HEPH: variants seen among roughly 807,000 people sequenced by gnomAD.
The protein encoded by HEPH is hephaestin.
In HEPH, 69 loss-of-function variants were observed where a neutral mutation model predicts 80.8. The ratio of observed to expected loss-of-function variants is 0.85; its 90% CI spans 0.70 to 1.04. HEPH has a LOEUF of 1.04. HEPH is among the 50% of genes least tolerant of loss of function. HEPH has a pLI of 0.00. For missense variants in HEPH, 1,115 were observed against 891.3 expected (o/e 1.25, Z -3.20); for synonymous variants, 431 against 322.8 (o/e 1.34, Z -3.60).
Position 66,164,464 on chromosome X carries a change from AG to A in HEPH, c.-19del, listed in dbSNP as rs1181248214. ...ACATGAATATGGAGTAGTTTTCTCTAGCAAAGGTAAGCTTTCTTTTCTCTCT... is the reference window on the plus strand; with the variant it reads ...ACATGAATATGGAGTAGTTTTCTCTACAAAGGTAAGCTTTCTTTTCTCTCT... On this transcript the variant is annotated 5_prime_UTR_variant, in exon 1 of 21. Coordinates refer to ENST00000343002, the MANE Select transcript of HEPH (RefSeq NM_001367233.3). 5.3e-6 allele frequency: 4 copies of A among 751,912 alleles called. No homozygotes were observed. The African/African-American group carries it at 9.3e-5, about 17-fold the overall frequency. The allele number at this position is 751,912 out of a possible 1,213,427, so 62.0% of individuals were successfully genotyped here. A position where few individuals can be genotyped will look rare whatever the true frequency, so the allele number is the denominator to read the frequency against.
chrX:66,190,001 G>A, intron 6 of HEPH, 63 bp downstream of exon 6: 1 of 1,087,600 alleles, frequency 9.2e-7, no homozygotes, highest in South Asian at 2.2e-5. Context: ...GTCAAGGGAG[G>A]CTGGGTTTCT....
rs768863409 is a variant in HEPH at position 66,266,998 on chromosome X, A to C, written c.*326A>C. 28 of 196,015 alleles carry C rather than the reference A, an allele frequency of 1.4e-4. No homozygotes were observed. Among genetic ancestry groups the C allele is most frequent in the African/African-American group, 8.3e-4 (28 of 33,933 alleles). The allele number at this position is 196,015 out of a possible 1,213,427, so 16.2% of individuals were successfully genotyped here. On this transcript the variant is annotated 3_prime_UTR_variant, in exon 21 of 21. Coordinates refer to ENST00000343002, the MANE Select transcript of HEPH (RefSeq NM_001367233.3). ...ATTTCTAGAAATGTATCCTTCTCAC[A>C]AAGTAGAGACCAAGAGAAAAACTCA...
intron 15 of HEPH, among the ~76,000 whole-genome samples, chrX:66,251,054 T>C (rs891795324): frequency 1.8e-5 from 2 of 111,703 alleles, no homozygotes; most frequent in African/African-American, 3.3e-5. Context: ...AAGCTAATTT[T>C]TGTATTTTTA....
chrX:66,260,313 T>C, intron 19 of HEPH, 51 bp downstream of exon 19: 1 of 1,045,844 alleles, frequency 9.6e-7, no homozygotes, highest in Non-Finnish European at 1.3e-6. Flanking sequence ...TTATCTAGCC[T>C]ATAGGAAGCA....
intron 19 of HEPH, among the ~76,000 whole-genome samples, chrX:66,261,000 T>G (rs1435005262): frequency 8.9e-6 from 1 of 112,025 alleles, no homozygotes; most frequent in Non-Finnish European, 1.9e-5. Context: ...ACTCTTGGCC[T>G]CCTTCTGCAG....
chrX:66,195,431 T>C (rs1363212567), intron 9 of HEPH, among the ~76,000 whole-genome samples: 1 of 111,506 alleles, frequency 9.0e-6, no homozygotes, highest in Admixed American at 9.6e-5. Flanking sequence ...TATATTTAAA[T>C]ATATCCTAAT....
At chrX:66,265,188 G>C (rs960382356) in intron 20 of HEPH, among the ~76,000 whole-genome samples, 6 of 110,803 alleles carry the variant, frequency 5.4e-5, no homozygotes, top group African/African-American at 2.0e-4. Context: ...AATTCAACCA[G>C]TTATGTTGAA....
At chrX:66,211,597 C>T (rs756034201) in intron 15 of HEPH, among the ~76,000 whole-genome samples, 1 of 111,436 alleles carries the variant, frequency 9.0e-6, no homozygotes, top group African/African-American at 3.2e-5. Context: ...CAATGTTTGT[C>T]TTTTTGTGTC....
intron 19 of HEPH, among the ~76,000 whole-genome samples, chrX:66,261,055 G>A (rs994142026): frequency 3.6e-5 from 4 of 112,047 alleles, no homozygotes; most frequent in African/African-American, 1.3e-4. Flanking sequence ...GGGATTGCAG[G>A]CATAAGGCAC....
Position 66,164,365 on chromosome X carries a change from G to T in HEPH, c.-119G>T. ...GGACTTAATTTAGGAGAAAGGCCCT[G>T]TAACCAAGATACTGACTGAACATGG... is the stretch of plus-strand genomic sequence containing the variant. On this transcript the variant is annotated 5_prime_UTR_variant, in exon 1 of 21. Coordinates refer to ENST00000343002, the MANE Select transcript of HEPH (RefSeq NM_001367233.3). 4.0e-6 allele frequency: 3 copies of T among 754,245 alleles called. No individual in the cohort carries two copies. The highest frequency in any genetic ancestry group is 4.7e-6 in the Non-Finnish European group (3 of 639,255). The allele number at this position is 754,245 out of a possible 1,213,427, so 62.2% of individuals were successfully genotyped here.
Position 66,200,660 on chromosome X carries a change from G to A in HEPH, c.1985G>A (p.Gly662Asp). Residue 662 changes from glycine (G) to aspartate (D), a missense_variant, in exon 12 of 21, where the codon GGC becomes GAC. Around this residue, in one of 3 missense-constraint regions of HEPH, gnomAD observed 716 missense variants for 523.5 expected, o/e 1.37. Coordinates refer to ENST00000343002, the MANE Select transcript of HEPH (RefSeq NM_001367233.3). The part of the protein sequence containing the change: ...ETDVHGVMFQ[G>D]NTVQLQGMRK... The stretch of plus-strand genomic sequence containing the variant: ...GATGTGCATGGAGTCATGTTCCAGG[G>A]CAACACTGTGCAGCTTCAGGGCATG... The A allele has an allele frequency of 1.7e-6, 2 of 1,211,294 alleles. No homozygotes were observed. Among genetic ancestry groups the A allele is most frequent in the Non-Finnish European group, 2.2e-6 (2 of 895,298 alleles).
intron 4 of HEPH, among the ~76,000 whole-genome samples, chrX:66,177,408 C>T (rs912755303): frequency 1.2e-4 from 13 of 111,554 alleles, no homozygotes; most frequent in Admixed American, 9.6e-4. Context: ...CTGCCTGTTA[C>T]TGGTGTATTC....
Position 66,203,526 on chromosome X carries a change from G to T in HEPH, c.2240G>T (p.Cys747Phe). The part of the protein sequence containing the change: ...IMAEEVEWDY[C>F]PDRSWEREWH... Reference sequence around the variant, plus strand: ...GCAGAAGAAGTAGAGTGGGACTATTGCCCTGACCGGAGCTGGGAACGGGAA... The same window carrying T: ...GCAGAAGAAGTAGAGTGGGACTATTTCCCTGACCGGAGCTGGGAACGGGAA... The change falls in exon 13 of 21, where the codon TGC (cysteine) becomes TTC (phenylalanine). Residue 747 changes from cysteine (C) to phenylalanine (F), a missense_variant. By Grantham distance (205) the Cys-to-Phe change is radical (BLOSUM62 -2). Around this residue, in one of 3 missense-constraint regions of HEPH, gnomAD observed 716 missense variants for 523.5 expected, o/e 1.37. Coordinates refer to ENST00000343002, the MANE Select transcript of HEPH (RefSeq NM_001367233.3). 8.3e-7 allele frequency: 1 copy of T among 1,211,872 alleles called. No individual in the cohort carries two copies. The highest frequency in any genetic ancestry group is 1.1e-6 in the Non-Finnish European group (1 of 895,493).
At chrX:66,201,273 T>C (rs2088437380) in intron 12 of HEPH, among the ~76,000 whole-genome samples, 1 of 110,130 alleles carries the variant, frequency 9.1e-6, no homozygotes, top group African/African-American at 3.3e-5. Flanking sequence ...ATGTAACAAT[T>C]TCAGCCTGGA....
At chrX:66,167,022 C>T (rs2086399237) in intron 1 of HEPH, among the ~76,000 whole-genome samples, 1 of 111,930 alleles carries the variant, frequency 8.9e-6, no homozygotes, top group Non-Finnish European at 1.9e-5. Context: ...ACTTACAGAT[C>T]TTAATTAAGT....
At chrX:66,243,407 A>T (rs1342174628) in intron 15 of HEPH, among the ~76,000 whole-genome samples, 1 of 112,301 alleles carries the variant, frequency 8.9e-6, no homozygotes, top group Non-Finnish European at 1.9e-5. Context: ...TGAACCCTTT[A>T]CCATTATGGA....
intron 1 of HEPH, among the ~76,000 whole-genome samples, chrX:66,168,372 C>G (rs1045141329): frequency 8.9e-6 from 1 of 111,747 alleles, no homozygotes; most frequent in African/African-American, 3.2e-5. Flanking sequence ...TATACTTGTC[C>G]GTTTCATGTA....
intron 15 of HEPH, among the ~76,000 whole-genome samples, chrX:66,233,007 C>G (rs776510254): frequency 9.0e-6 from 1 of 110,618 alleles, no homozygotes; most frequent in Non-Finnish European, 1.9e-5. Flanking sequence ...ACCTTAAGAG[C>G]TAACCAAAAA....
At chrX:66,248,181 G>A (rs2090882554) in intron 15 of HEPH, among the ~76,000 whole-genome samples, 1 of 111,090 alleles carries the variant, frequency 9.0e-6, no homozygotes, top group Non-Finnish European at 1.9e-5. Context: ...TAGTACTGTA[G>A]TACCACCTCA....
Sources: gnomAD v4.1 joint callset for allele counts (sites outside exome capture counted in the v4.1 genomes callset) on GRCh38, gnomAD v4.1.1 for gene constraint, gnomAD v4.1.1 regional missense constraint, MANE v1.5 for transcripts, NCBI Gene and HGNC (gene_info 2026-07-23, HGNC 2026-07-21) for gene names.